ACY3: variants seen among roughly 807,000 people sequenced by gnomAD.
The protein encoded by ACY3 is aminoacylase 3, also known as N-acyl-aromatic-L-amino acid amidohydrolase (carboxylate-forming).
Under a neutral mutation model 24.6 loss-of-function variants are expected in ACY3, and 20 were observed. The ratio of observed to expected loss-of-function variants is 0.81; its 90% CI spans 0.57 to 1.18. The LOEUF (loss-of-function observed/expected upper bound fraction) is 1.18, where lower values mean the gene tolerates loss of function less well. Among genes scored for constraint, ACY3 ranks in the 50% most tolerant of loss-of-function variants. The pLI is 0.00. For missense variants in ACY3, 423 were observed against 426.8 expected, an observed-to-expected ratio of 0.99 and a Z score of 0.08; for synonymous variants, 174 against 188.4, an observed-to-expected ratio of 0.92 and a Z score of 0.62.
chr11:67,645,190 AC>A lies in ACY3; in HGVS notation c.527-39del, dbSNP rs761922846. 6.2e-6 allele frequency: 10 copies of A among 1,604,058 alleles called. No homozygotes were observed. In the Middle Eastern group the frequency reaches 5.0e-4, roughly 80 times the overall value. On this transcript the variant is annotated intron_variant, in intron 5 of 7. Transcript: ENST00000255082. ...AAGCAAGGGGTTAGGCAGGTGCAGG[AC>A]CCATATACTCCTTGAAGAGGCCCTG...
intron 7 of ACY3, among the ~76,000 whole-genome samples, chr11:67,643,231 C>T (rs376842114): frequency 1.4e-4 from 21 of 152,264 alleles, no homozygotes; most frequent in African/African-American, 4.1e-4. Flanking sequence ...AGCTGTGTAA[C>T]TGTGAGCAAG....
Position 67,642,857 on chromosome 11 carries a change from G to T in ACY3, c.827C>A (p.Ser276Tyr). 6.2e-7 allele frequency: 1 copy of T among 1,614,058 alleles called. No individual in the cohort carries two copies. The highest frequency in any genetic ancestry group is 8.5e-7 in the Non-Finnish European group (1 of 1,180,020). The stretch of plus-strand genomic sequence containing the variant: ...GTTAATGAACACGGGGTACACCGTG[G>T]ACTCTCCCTCATAGAGCAGGTCCTC... The part of the protein sequence containing the change: ...SGEDLLYEGE[S>Y]TVYPVFINEA... Residue 276 changes from serine (S) to tyrosine (Y), a missense_variant, in exon 8 of 8, where the codon TCC becomes TAC. Coordinates refer to ENST00000255082, the MANE Select transcript of ACY3 (RefSeq NM_080658.2).
At chr11:67,649,928 G>T (rs1050924929) in intron 1 of ACY3, among the ~76,000 whole-genome samples, 1 of 149,474 alleles carries the variant, frequency 6.7e-6, no homozygotes, top group African/African-American at 2.6e-5. Flanking sequence ...GCGTGAGCAT[G>T]TGTGCGTGTG....
chr11:67,650,246 C>T (rs1487782869), intron 1 of ACY3, among the ~76,000 whole-genome samples: 1 of 152,140 alleles, frequency 6.6e-6, no homozygotes, highest in African/African-American at 2.4e-5. Flanking sequence ...CCCCCTGTGT[C>T]AGCATCCAAT....
At chr11:67,645,968 C>A (rs930205681) in intron 3 of ACY3, 81 bp from the exon 4 acceptor site, 11 of 1,370,262 alleles carry the variant, frequency 8.0e-6, no homozygotes, top group Admixed American at 2.3e-5. Context: ...GGGCAGGGGC[C>A]CTGCAGGAGC....
chr11:67,647,065 T>C lies in ACY3; in HGVS notation c.-20-2A>G. On this transcript the variant is annotated splice_acceptor_variant, in intron 2 of 7. Coordinates refer to ENST00000255082, the MANE Select transcript of ACY3 (RefSeq NM_080658.2). LOFTEE classifies it low-confidence loss of function (5UTR_SPLICE). ...ACATGCTGGTGTGGGGTGCAGAACC[T>C]GGGGGTGGGCATACTTAGGAGACCC... 1 of 1,484,788 alleles carries C rather than the reference T, an allele frequency of 6.7e-7. No individual in the cohort carries two copies. Among genetic ancestry groups the C allele is most frequent in the Non-Finnish European group, 9.0e-7 (1 of 1,115,954 alleles). 92.0% of individuals were successfully genotyped at this position (1,484,788 alleles called of 1,614,324 possible). A position where few individuals can be genotyped will look rare whatever the true frequency, so the allele number is the denominator to read the frequency against.
chr11:67,643,291 A>C (rs570662935), intron 7 of ACY3, among the ~76,000 whole-genome samples: 12 of 152,382 alleles, frequency 7.9e-5, no homozygotes, highest in African/African-American at 2.9e-4. Flanking sequence ...TAAGGATTAC[A>C]ATATCTCCTC....
In ACY3 at chr11:67,645,018, T is replaced by G; in HGVS notation, c.634+27A>C. 4 of 1,611,028 alleles carry G rather than the reference T, an allele frequency of 2.5e-6. No homozygotes were observed. The South Asian group carries it at 3.3e-5, about 13-fold the overall frequency. On this transcript the variant is annotated intron_variant, in intron 6 of 7. Transcript: ENST00000255082. ...CCAGACCTGCTCTTCCCCGGACCTG[T>G]TTCCCGAAAGTCCCCTGGGGTCTCA... is the stretch of plus-strand genomic sequence containing the variant.
At chr11:67,649,880 A>G (rs1339483157) in intron 1 of ACY3, among the ~76,000 whole-genome samples, 2 of 145,550 alleles carry the variant, frequency 1.4e-5, no homozygotes, top group Non-Finnish European at 1.5e-5. Flanking sequence ...ATGTGTGTGC[A>G]TGTGTGCATG....
In ACY3 at chr11:67,645,819, G is replaced by C. The variant is rs1315698771; in HGVS notation, c.305C>G (p.Pro102Arg). The change falls in exon 4 of 8, where the codon CCC becomes CGC. Residue 102 changes from proline (P) to arginine (R), a missense_variant. Physicochemically the swap from Pro to Arg is moderately radical, Grantham distance 103 (BLOSUM62 -2). Transcript: ENST00000255082. ...RARELNQLLG[P>R]KASGQAFDFV... The stretch of plus-strand genomic sequence containing the variant: ...GTCAAAGGCCTGGCCCGAGGCCTTG[G>C]GCCCCAGCAGCTGGTTCAGCTCTCG... 6.2e-7 allele frequency: 1 copy of C among 1,613,684 alleles called. No homozygotes were observed. Among genetic ancestry groups the C allele is most frequent in the East Asian group, 2.2e-5 (1 of 44,880 alleles).
intron 3 of ACY3, 82 bp from the exon 4 acceptor site, chr11:67,645,969 C>T (rs1855509710): frequency 5.8e-6 from 8 of 1,372,672 alleles, no homozygotes; most frequent in Non-Finnish European, 5.0e-6. Context: ...GGCAGGGGCC[C>T]TGCAGGAGCC....
At chr11:67,644,253 G>A (rs1364336281) in intron 7 of ACY3, among the ~76,000 whole-genome samples, 1 of 152,124 alleles carries the variant, frequency 6.6e-6, no homozygotes, top group African/African-American at 2.4e-5. Context: ...CAGAGCAGCA[G>A]CCAGTACGTT....
At position 67,642,880 on chromosome 11, in the gene ACY3, C is replaced by T. The variant is rs1252113889; in HGVS notation, c.804G>A (p.Glu268=). The change falls in exon 8 of 8, where the codon GAG becomes GAA. Residue 268 remains glutamate (E), a synonymous_variant. Transcript: ENST00000255082. ...TGGACTCTCCCTCATAGAGCAGGTCCTCCCCACTGAACATCTGGAAGATGG... is the reference window on the plus strand; with the variant it reads ...TGGACTCTCCCTCATAGAGCAGGTCTTCCCCACTGAACATCTGGAAGATGG... ...GAPIFQMFSG[E]DLLYEGESTV... is the part of the protein sequence containing the mutation. 4 of 1,613,972 alleles carry T rather than the reference C, an allele frequency of 2.5e-6. No individual in the cohort carries two copies. Among genetic ancestry groups the T allele is most frequent in the Non-Finnish European group, 3.4e-6 (4 of 1,180,042 alleles).
intron 1 of ACY3, among the ~76,000 whole-genome samples, chr11:67,647,897 G>A (rs1329011338): frequency 6.6e-6 from 1 of 152,156 alleles, no homozygotes; most frequent in African/African-American, 2.4e-5. Context: ...GCAGGCTATT[G>A]AAAGTTACTA....
rs1855436553 is a variant in ACY3, at chr11:67,642,924, G to A, written c.760C>T (p.Pro254Ser). The A allele has an allele frequency of 2.5e-6, 4 of 1,613,766 alleles. No individual in the cohort carries two copies. Among genetic ancestry groups the A allele is most frequent in the Non-Finnish European group, 3.4e-6 (4 of 1,179,986 alleles). ...AAGATGGGAGCACCAGGCTGCAGTG[G>A]CTGGAAGTCTCGGTCCTGGGAGGAG... is the stretch of plus-strand genomic sequence containing the variant. Reference protein sequence around the residue: ...HPQLQDRDFQPLQPGAPIFQM... With the variant: ...HPQLQDRDFQSLQPGAPIFQM... Residue 254 changes from proline to serine, a missense_variant, in exon 8 of 8, where the codon CCA becomes TCA. Transcript: ENST00000255082.
intron 1 of ACY3, among the ~76,000 whole-genome samples, chr11:67,649,599 T>C (rs557414698): frequency 1.5e-4 from 22 of 151,486 alleles, no homozygotes; most frequent in Admixed American, 1.4e-3. Context: ...AGAGCATGTG[T>C]GTGCGTGTGT....
rs1855490709 is a variant in ACY3 at position 67,645,273 on chromosome 11, A to C, written c.526+14T>G. On this transcript the variant is annotated intron_variant, in intron 5 of 7. Transcript: ENST00000255082. ...CTCCTGGCCCCGCCCACTTCTCAGA[A>C]GGCTGCGGCCCACCCAGTCCATTTT... 7 of 1,613,280 alleles carry C rather than the reference A, an allele frequency of 4.3e-6. No individual in the cohort carries two copies. The highest frequency in any genetic ancestry group is 5.1e-6 in the Non-Finnish European group (6 of 1,179,878).
intron 1 of ACY3, among the ~76,000 whole-genome samples, chr11:67,649,675 T>TGA (rs3029253): frequency 0.064 from 9,448 of 146,644 alleles, 1,141 homozygotes; most frequent in African/African-American, 0.23. Flanking sequence ...TGCATGTGCA[T>TGA]GAGTATTGTG....
chr11:67,645,341 G>A lies in ACY3; in HGVS notation c.472C>T (p.Gln158Ter). Reference protein sequence around the residue: ...PELSCQVFLYQRSGEESYNLD... With the variant: ...PELSCQVFLY ...TTGTAGCTCTCCTCCCCAGACCGCT[G>A]GTACAGGAAGACCTGGCAGGACAGC... The change falls in exon 5 of 8, where the codon CAG (glutamine) becomes TAG (stop). Residue 158 changes from glutamine (Q) to a stop codon, truncating the protein, a stop_gained. Coordinates refer to ENST00000255082, the MANE Select transcript of ACY3 (RefSeq NM_080658.2). LOFTEE classifies it high-confidence loss of function. 1 of 1,613,694 alleles carries A rather than the reference G, an allele frequency of 6.2e-7. No individual in the cohort carries two copies. The highest frequency in any genetic ancestry group is 8.5e-7 in the Non-Finnish European group (1 of 1,180,002).
Sources: allele counts gnomAD v4.1 joint callset (sites outside exome capture counted in the v4.1 genomes callset), GRCh38; gene constraint gnomAD v4.1.1; transcripts MANE v1.5; gene names NCBI Gene and HGNC (gene_info 2026-07-23, HGNC 2026-07-21).